The following DSCAM variants were observed in gnomAD, a reference collection of about 807,000 sequenced individuals.
DSCAM encodes cell adhesion molecule DSCAM.
In DSCAM, 47 loss-of-function variants were observed where a neutral mutation model predicts 217.7. The observed-to-expected ratio is 0.22, with a 90% confidence interval of 0.17 to 0.28. DSCAM has a LOEUF of 0.28. Among genes scored for constraint, DSCAM ranks in the 10% least tolerant of loss-of-function variants. The pLI is 1.00. For missense variants in DSCAM, 2,080 were observed against 2,618.3 expected, an observed-to-expected ratio of 0.79 and a Z score of 4.49; for synonymous variants, 1,056 against 1,015.3, an observed-to-expected ratio of 1.04 and a Z score of -0.76.
intron 11 of DSCAM, among the ~76,000 whole-genome samples, chr21:40,243,619 C>G (rs990433305): frequency 6.6e-6 from 1 of 152,196 alleles, no homozygotes; most frequent in Non-Finnish European, 1.5e-5. Context: ...TTTGCTCCCC[C>G]ATAAAGCCAG....
At chr21:40,657,583 C>G in intron 3 of DSCAM, among the ~76,000 whole-genome samples, 1 of 152,296 alleles carries the variant, frequency 6.6e-6, no homozygotes, top group Middle Eastern at 3.4e-3. Flanking sequence ...CAGCTACACC[C>G]TTTGGTGACT....
chr21:40,533,647 A>G (rs970196462), intron 3 of DSCAM, among the ~76,000 whole-genome samples: 3 of 148,566 alleles, frequency 2.0e-5, no homozygotes, highest in Non-Finnish European at 4.5e-5. Context: ...CCATCTGTCC[A>G]TCCATCCATC....
chr21:40,681,255 C>T (rs1314141018), intron 3 of DSCAM, among the ~76,000 whole-genome samples: 2 of 152,218 alleles, frequency 1.3e-5, no homozygotes, highest in Admixed American at 6.5e-5. Flanking sequence ...GCTTGCCTGC[C>T]GCCCCTGTGC....
chr21:40,261,946 G>T (rs962608556), intron 11 of DSCAM, among the ~76,000 whole-genome samples: 4 of 152,054 alleles, frequency 2.6e-5, no homozygotes, highest in Admixed American at 2.6e-4. Flanking sequence ...GTCATGAGAA[G>T]GTCTAGTCTG....
chr21:40,793,792 G>A (rs2091667865), intron 1 of DSCAM, among the ~76,000 whole-genome samples: 1 of 152,048 alleles, frequency 6.6e-6, no homozygotes, highest in Admixed American at 6.6e-5. Flanking sequence ...TGCCTGGACT[G>A]TTCTACCATT....
chr21:40,479,215 C>A (rs2075962176), intron 3 of DSCAM, among the ~76,000 whole-genome samples: 1 of 152,086 alleles, frequency 6.6e-6, no homozygotes, highest in East Asian at 1.9e-4. Flanking sequence ...GTAATTTAAC[C>A]AAGATGAAAA....
intron 3 of DSCAM, among the ~76,000 whole-genome samples, chr21:40,529,760 T>C (rs1156820838): frequency 1.3e-5 from 2 of 152,146 alleles, no homozygotes; most frequent in Non-Finnish European, 1.5e-5. Flanking sequence ...TTAGATGAAA[T>C]CTCTTTTATT....
intron 29 of DSCAM, among the ~76,000 whole-genome samples, chr21:40,054,174 A>T (rs533198273): frequency 6.6e-6 from 1 of 152,332 alleles, no homozygotes; most frequent in East Asian, 1.9e-4. Context: ...CCTTTCCCAA[A>T]AAAAGATAAT....
intron 9 of DSCAM, among the ~76,000 whole-genome samples, chr21:40,297,040 T>C (rs1354122135): frequency 6.6e-6 from 1 of 152,140 alleles, no homozygotes; most frequent in Non-Finnish European, 1.5e-5. Flanking sequence ...CCCAAAATTC[T>C]GGTGAGAACA....
At chr21:40,254,416 T>C (rs1407562420) in intron 11 of DSCAM, among the ~76,000 whole-genome samples, 11 of 152,202 alleles carry the variant, frequency 7.2e-5, no homozygotes, top group Non-Finnish European at 8.8e-5. Flanking sequence ...TGATTCATTA[T>C]GCTCCCCCAT....
intron 3 of DSCAM, among the ~76,000 whole-genome samples, chr21:40,380,151 T>C (rs1228954197): frequency 6.6e-6 from 1 of 152,250 alleles, no homozygotes; most frequent in Non-Finnish European, 1.5e-5. Flanking sequence ...TATACACTAC[T>C]AATTTAAGCC....
At chr21:40,371,644 T>G (rs1397056429) in intron 3 of DSCAM, among the ~76,000 whole-genome samples, 2 of 152,296 alleles carry the variant, frequency 1.3e-5, no homozygotes, top group South Asian at 2.1e-4. Context: ...TCTTGTAATA[T>G]CTAACATTTT....
intron 3 of DSCAM, among the ~76,000 whole-genome samples, chr21:40,599,967 G>T (rs2077050139): frequency 6.6e-6 from 1 of 152,130 alleles, no homozygotes; most frequent in South Asian, 2.1e-4. Flanking sequence ...GTCATTAATA[G>T]CCTACCAACC....
chr21:40,434,245 T>G (rs1200570804), intron 3 of DSCAM, among the ~76,000 whole-genome samples: 1 of 152,204 alleles, frequency 6.6e-6, no homozygotes, highest in East Asian at 1.9e-4. Flanking sequence ...TTTAACCCTT[T>G]CAGCTTGTAC....
intron 18 of DSCAM, among the ~76,000 whole-genome samples, chr21:40,137,777 T>G (rs1400310548): frequency 6.6e-6 from 1 of 152,210 alleles, no homozygotes; most frequent in East Asian, 1.9e-4. Context: ...TGTATTTATA[T>G]CTTGCCTCAT....
intron 3 of DSCAM, among the ~76,000 whole-genome samples, chr21:40,676,288 T>C (rs760329881): frequency 6.6e-6 from 1 of 152,170 alleles, no homozygotes; most frequent in Non-Finnish European, 1.5e-5. Context: ...AAAATACACA[T>C]GTTCAGGACC....
intron 3 of DSCAM, among the ~76,000 whole-genome samples, chr21:40,488,346 C>G (rs1239357184): frequency 6.6e-6 from 1 of 151,476 alleles, no homozygotes; most frequent in Non-Finnish European, 1.5e-5. Flanking sequence ...GGCTTCTCTC[C>G]ATATCGGGGA....
intron 10 of DSCAM, among the ~76,000 whole-genome samples, chr21:40,285,890 G>C (rs1298024955): frequency 3.9e-5 from 6 of 152,190 alleles, no homozygotes; most frequent in Non-Finnish European, 8.8e-5. Context: ...TGCTGGGTGA[G>C]AGCCAGGACT....
intron 3 of DSCAM, among the ~76,000 whole-genome samples, chr21:40,399,283 A>AAAC (rs1255566051): frequency 6.7e-6 from 1 of 149,010 alleles, no homozygotes; most frequent in Non-Finnish European, 1.5e-5. Context: ...AAACAAAACA[A>AAAC]AACAAAACAA....
Sources: gnomAD v4.1 joint callset for allele counts (sites outside exome capture counted in the v4.1 genomes callset) on GRCh38, gnomAD v4.1.1 for gene constraint, MANE v1.5 for transcripts, NCBI Gene and HGNC (gene_info 2026-07-23, HGNC 2026-07-21) for gene names.